Variants in IFT46 observed in about 807,000 individuals in gnomAD.
IFT46 encodes the protein intraflagellar transport 46.
Under a neutral mutation model 39.6 loss-of-function variants are expected in IFT46, and 19 were observed. That is an observed-to-expected ratio of 0.48 (90% CI 0.33 to 0.70). The LOEUF (loss-of-function observed/expected upper bound fraction) is 0.70. Among genes scored for constraint, IFT46 ranks in the 30% least tolerant of loss-of-function variants. The pLI is 0.01. For synonymous variants in IFT46, 117 were observed against 134.8 expected, an observed-to-expected ratio of 0.87 and a Z score of 0.91; for missense variants, 334 against 364.8, an observed-to-expected ratio of 0.92 and a Z score of 0.69.
At chr11:118,571,679 A>T (rs1419662865) in intron 1 of IFT46, among the ~76,000 whole-genome samples, 3 of 152,192 alleles carry the variant, frequency 2.0e-5, no homozygotes, top group African/African-American at 7.2e-5. Context: ...TTCTTTGGAC[A>T]CATATCTATT....
At chr11:118,550,075 C>T (rs1407304405) in intron 9 of IFT46, among the ~76,000 whole-genome samples, 1 of 152,046 alleles carries the variant, frequency 6.6e-6, no homozygotes, top group African/African-American at 2.4e-5. Context: ...GCTGGGATTA[C>T]AGGCACACAC....
chr11:118,544,725 C>CCGTATCATGA lies in IFT46; in HGVS notation c.*190_*191insTCATGATACG. 1.8e-6 allele frequency: 1 copy of CCGTATCATGA among 551,202 alleles called. No homozygotes were observed. Among genetic ancestry groups the CCGTATCATGA allele is most frequent in the Non-Finnish European group, 3.2e-6 (1 of 307,742 alleles). The allele number at this position is 551,202 out of a possible 1,614,324, so 34.1% of individuals were successfully genotyped here. On this transcript the variant is annotated 3_prime_UTR_variant, in exon 12 of 12. Coordinates refer to ENST00000264021, the MANE Select transcript of IFT46 (RefSeq NM_001168618.2). The stretch of plus-strand genomic sequence containing the variant: ...AGATGCATTAACTCCCCGGGGACAG[C>CCGTATCATGA]AATCTGAGGCAGGCAGGTTCATTAA...
In IFT46 at chr11:118,544,818, G is replaced by A. The variant is rs1565341882; in HGVS notation, c.*98C>T. On this transcript the variant is annotated 3_prime_UTR_variant, in exon 12 of 12. Coordinates refer to ENST00000264021, the MANE Select transcript of IFT46 (RefSeq NM_001168618.2). ...ATGCACTGCCCCTGAGCCAAGCTGTGGCATGGGCAAGGACATCAAGTAGCT... is the reference window on the plus strand; with the variant it reads ...ATGCACTGCCCCTGAGCCAAGCTGTAGCATGGGCAAGGACATCAAGTAGCT... 1 of 831,316 alleles carries A rather than the reference G, an allele frequency of 1.2e-6. No individual in the cohort carries two copies. The allele number at this position is 831,316 out of a possible 1,614,324, so 51.5% of individuals were successfully genotyped here.
At position 118,557,032 on chromosome 11, in the gene IFT46, G is replaced by T; in HGVS notation, c.59C>A (p.Thr20Asn). 2 of 1,603,098 alleles carry T rather than the reference G, an allele frequency of 1.2e-6. No homozygotes were observed. Among genetic ancestry groups the T allele is most frequent in the Non-Finnish European group, 1.7e-6 (2 of 1,175,356 alleles). Residue 20 changes from threonine to asparagine, a missense_variant, in exon 4 of 12, where the codon ACC becomes AAC. Coordinates refer to ENST00000264021, the MANE Select transcript of IFT46 (RefSeq NM_001168618.2). The stretch of plus-strand genomic sequence containing the variant: ...GCCCCGTTGAGGTGTCAACTGTGAG[G>T]TCTTCTTCTTCTCCTGTGATAGGGC... The part of the protein sequence containing the change: ...EEENNKEKKK[T>N]SQLTPQRGFS...
At chr11:118,549,713 T>C (rs556286816) in intron 9 of IFT46, among the ~76,000 whole-genome samples, 4 of 151,646 alleles carry the variant, frequency 2.6e-5, no homozygotes, top group African/African-American at 9.7e-5. Context: ...CTAGTAGAGA[T>C]GGGGTTTCAC....
intron 2 of IFT46, chr11:118,560,907 T>C: frequency 1.2e-6 from 1 of 864,696 alleles, no homozygotes. Flanking sequence ...GAGGGGGATA[T>C]AGTCTGCGCA....
chr11:118,546,066 A>G, intron 9 of IFT46: 1 of 714,178 alleles, frequency 1.4e-6, no homozygotes, highest in Non-Finnish European at 2.6e-6. Flanking sequence ...TAATTAAATT[A>G]AAACAAGGTC....
chr11:118,572,635 G>A, exon 1 of IFT46: 1 of 1,542,530 alleles, frequency 6.5e-7, no homozygotes, highest in South Asian at 1.2e-5. Context: ...GGGGCCGGAG[G>A]AGCCCCGCCC....
chr11:118,566,737 TA>T (rs1165636053), upstream of IFT46, among the ~76,000 whole-genome samples: 1 of 152,214 alleles, frequency 6.6e-6, no homozygotes, highest in East Asian at 1.9e-4. Context: ...TCTTATTTGC[TA>T]AAGTAGACTT....
intron 8 of IFT46, 67 bp downstream of exon 8, chr11:118,552,147 G>A: frequency 1.3e-6 from 2 of 1,584,376 alleles, no homozygotes; most frequent in South Asian, 2.3e-5. Flanking sequence ...CTCTTCTCAG[G>A]AGCAACAGTT....
chr11:118,568,831 T>C (rs546749976), upstream of IFT46, among the ~76,000 whole-genome samples: 7 of 151,762 alleles, frequency 4.6e-5, no homozygotes, highest in South Asian at 1.5e-3. Context: ...AATTTTTGTA[T>C]TTTTAGTAGA....
At chr11:118,557,363 A>G in intron 3 of IFT46, 1 of 398,870 alleles carries the variant, frequency 2.5e-6, no homozygotes, top group South Asian at 4.0e-5. Flanking sequence ...CCGAAAAGCT[A>G]TGGACTTTCA....
chr11:118,572,714 C>G (rs1938376488), exon 1 of IFT46: 1 of 758,018 alleles, frequency 1.3e-6, no homozygotes, highest in Admixed American at 3.0e-5. Context: ...GCCCGGTCTC[C>G]TGGAGATCCG....
chr11:118,553,023 A>G (rs540871024), intron 7 of IFT46, among the ~76,000 whole-genome samples: 1 of 152,090 alleles, frequency 6.6e-6, no homozygotes, highest in African/African-American at 2.4e-5. Flanking sequence ...TCGAGGCTAC[A>G]GTGAGCCCCA....
At chr11:118,554,924 G>C (rs1175981024) in intron 6 of IFT46, 66 bp downstream of exon 6, 1 of 1,180,546 alleles carries the variant, frequency 8.5e-7, no homozygotes, top group Admixed American at 1.7e-5. Context: ...TAGGGAAACT[G>C]TTAAGAGTAA....
intron 2 of IFT46, chr11:118,560,914 C>T (rs1303732281): frequency 1.6e-5 from 15 of 926,344 alleles, no homozygotes; most frequent in Admixed American, 3.4e-5. Flanking sequence ...ATATAGTCTG[C>T]GCAGCATATG....
chr11:118,572,581 G>T (rs914565768), intron 1 of IFT46: 1 of 1,601,272 alleles, frequency 6.2e-7, no homozygotes, highest in Admixed American at 1.7e-5. Flanking sequence ...CGAACTCCTG[G>T]GGTCCGAGCC....
chr11:118,557,760 C>A, intron 3 of IFT46: 1 of 1,614,146 alleles, frequency 6.2e-7, no homozygotes, highest in Non-Finnish European at 8.5e-7. Flanking sequence ...CTGGCTCTCT[C>A]TGTACCATCC....
chr11:118,555,922 C>CAA (rs1215637899), intron 4 of IFT46, among the ~76,000 whole-genome samples: 1 of 113,310 alleles, frequency 8.8e-6, no homozygotes. Context: ...GACTCTGTCT[C>CAA]AAAAAAAAAA....
Sources: gnomAD v4.1 joint callset for allele counts (sites outside exome capture counted in the v4.1 genomes callset) on GRCh38, gnomAD v4.1.1 for gene constraint, MANE v1.5 for transcripts, NCBI Gene and HGNC (gene_info 2026-07-23, HGNC 2026-07-21) for gene names.